Variants in AHCY observed in about 807,000 individuals in gnomAD.
AHCY encodes S-adenosyl-L-homocysteine hydrolase.
In AHCY, 24 loss-of-function variants were observed where a neutral mutation model predicts 45.4. The ratio of observed to expected loss-of-function variants is 0.53; its 90% confidence interval spans 0.38 to 0.74. AHCY has a LOEUF of 0.74. Among genes scored for constraint, AHCY ranks in the 30% least tolerant of loss-of-function variants. The pLI is 0.00. For missense variants in AHCY, 449 were observed against 594.1 expected, an observed-to-expected ratio of 0.76 and a Z score of 2.54; for synonymous variants, 245 against 235.1, an observed-to-expected ratio of 1.04 and a Z score of -0.39.
At chr20:34,292,674 A>G (rs1482528395) in intron 3 of AHCY, among the ~76,000 whole-genome samples, 167 bp from the exon 4 acceptor site, 4 of 152,168 alleles carry the variant, frequency 2.6e-5, no homozygotes, top group Non-Finnish European at 2.9e-5. Flanking sequence ...AGCCAGATAG[A>G]TCTGAGTTCA....
chr20:34,275,081 T>C, the AHCY span, among the ~76,000 whole-genome samples: 1 of 149,912 alleles, frequency 6.7e-6, no homozygotes, highest in Non-Finnish European at 1.5e-5. Flanking sequence ...GCGAATCCAG[T>C]CCCCTTCATG....
chr20:34,259,358 C>T, the AHCY span, among the ~76,000 whole-genome samples: 1 of 151,718 alleles, frequency 6.6e-6, no homozygotes, highest in Non-Finnish European at 1.5e-5. Context: ...ACTAAAAATA[C>T]AAAAATTAGC....
At chr20:34,264,668 T>C in the AHCY span, among the ~76,000 whole-genome samples, 1 of 152,210 alleles carries the variant, frequency 6.6e-6, no homozygotes, top group East Asian at 1.9e-4. Context: ...GAAGTAAACT[T>C]ACGGTATCAA....
chr20:34,240,998 T>TA, the AHCY span, among the ~76,000 whole-genome samples: 1 of 152,246 alleles, frequency 6.6e-6, no homozygotes, highest in Non-Finnish European at 1.5e-5. Context: ...CTGGGATCTT[T>TA]AAAAAATCTC....
downstream of AHCY, among the ~76,000 whole-genome samples, chr20:34,276,931 G>A (rs2035914432): frequency 6.6e-6 from 1 of 152,092 alleles, no homozygotes; most frequent in Non-Finnish European, 1.5e-5. Flanking sequence ...AGGTCTCAGG[G>A]ATGAGAATCC....
chr20:34,291,611 C>A, intron 4 of AHCY, 80 bp from the exon 5 acceptor site: 1 of 1,287,292 alleles, frequency 7.8e-7, no homozygotes, highest in Non-Finnish European at 1.1e-6. Flanking sequence ...CCCCCTAAAG[C>A]CATTCCTCTT....
At chr20:34,246,467 T>C in the AHCY span, 6 of 1,402,644 alleles carry the variant, frequency 4.3e-6, no homozygotes, top group African/African-American at 5.7e-5. Context: ...AAGTGGGTAA[T>C]TGGCATCTAA....
At chr20:34,233,178 C>T in the AHCY span, among the ~76,000 whole-genome samples, 161 of 136,424 alleles carry the variant, frequency 1.2e-3, no homozygotes, top group Admixed American at 1.3e-3. Context: ...TACAGAGTCT[C>T]GCTCTGTTGC....
At chr20:34,269,946 T>TAAAAAAAAAAAAAAAAAAAAAAAAAAA in the AHCY span, among the ~76,000 whole-genome samples, 4 of 59,236 alleles carry the variant, frequency 6.8e-5, no homozygotes, top group African/African-American at 2.7e-4. Flanking sequence ...AACTCTGTCT[T>TAAAAAAAAAAAAAAAAAAAAAAAAAAA]AAAAAAAAAA....
intron 8 of AHCY, chr20:34,285,982 G>A (rs2036170649): frequency 3.0e-6 from 1 of 330,614 alleles, no homozygotes; most frequent in Non-Finnish European, 5.9e-6. Flanking sequence ...GCAGGCGCCT[G>A]TGGTCCCAGC....
chr20:34,250,617 G>A, the AHCY span, among the ~76,000 whole-genome samples: 1 of 152,154 alleles, frequency 6.6e-6, no homozygotes, highest in African/African-American at 2.4e-5. Flanking sequence ...GGTCAACATG[G>A]TGAAACCCGA....
chr20:34,251,437 A>AT, the AHCY span, among the ~76,000 whole-genome samples: 1,672 of 150,836 alleles, frequency 0.011, 25 homozygotes, highest in African/African-American at 0.038. Context: ...CGCCCGGCTG[A>AT]TTTTTTTTTG....
intron 8 of AHCY, 140 bp from the exon 9 acceptor site, chr20:34,285,774 T>G (rs1601644310): frequency 1.1e-6 from 1 of 903,456 alleles, no homozygotes; most frequent in Non-Finnish European, 1.8e-6. Flanking sequence ...GCACATGGCT[T>G]AGCACAAAAA....
At chr20:34,262,445 G>A in the AHCY span, among the ~76,000 whole-genome samples, 6 of 152,152 alleles carry the variant, frequency 3.9e-5, no homozygotes, top group African/African-American at 1.4e-4. Flanking sequence ...TACAAGACAG[G>A]AGTCCATTTT....
At chr20:34,269,959 A>AAAAAAAAAAAAAAAAAAAAAC in the AHCY span, among the ~76,000 whole-genome samples, 1 of 74,348 alleles carries the variant, frequency 1.3e-5, no homozygotes, top group African/African-American at 3.6e-5. Flanking sequence ...AAAAAAAAAA[A>AAAAAAAAAAAAAAAAAAAAAC]AAAAAAAAAA....
intron 3 of AHCY, among the ~76,000 whole-genome samples, chr20:34,293,096 G>C (rs2036454405): frequency 6.6e-6 from 1 of 152,168 alleles, no homozygotes; most frequent in Non-Finnish European, 1.5e-5. Context: ...TGCCAGACAT[G>C]ACTCTAAATC....
the AHCY span, among the ~76,000 whole-genome samples, chr20:34,258,702 A>G: frequency 4.2e-5 from 4 of 94,848 alleles, no homozygotes; most frequent in Non-Finnish European, 8.2e-5. Context: ...CATACTATAT[A>G]TATATATTAT....
chr20:34,258,690 T>TATATATATATATATATATATATACAC, the AHCY span, among the ~76,000 whole-genome samples: 3 of 72,306 alleles, frequency 4.1e-5, no homozygotes, highest in African/African-American at 2.2e-4. Flanking sequence ...TATATATATA[T>TATATATATATATATATATATATACAC]ACATACTATA....
chr20:34,299,590 A>T (rs1161090910), intron 1 of AHCY, among the ~76,000 whole-genome samples: 2 of 152,052 alleles, frequency 1.3e-5, no homozygotes, highest in Non-Finnish European at 2.9e-5. Context: ...TCCAGCCCAA[A>T]CTACTCCCCT....
Sources: gnomAD v4.1 joint callset for allele counts (sites outside exome capture counted in the v4.1 genomes callset) on GRCh38, gnomAD v4.1.1 for gene constraint, MANE v1.5 for transcripts, NCBI Gene and HGNC (gene_info 2026-07-23, HGNC 2026-07-21) for gene names.